Variants in PDZRN4 observed in about 807,000 individuals in gnomAD.
PDZRN4 encodes the protein PDZ domain containing ring finger 4.
Under a neutral mutation model 99.0 loss-of-function variants are expected in PDZRN4, and 70 were observed. That is an observed-to-expected ratio of 0.71 (90% CI 0.58 to 0.86). The LOEUF is 0.86. Ranked by LOEUF, PDZRN4 falls within the 40% of genes least tolerant of loss-of-function variation. The pLI, the probability that PDZRN4 is intolerant of heterozygous loss-of-function variation, is 0.00. For synonymous variants in PDZRN4, 551 were observed against 501.6 expected (o/e 1.10, Z -1.32); for missense variants, 1,474 against 1,331.2 (o/e 1.11, Z -1.67).
chr12:41,261,206 A>G (rs776910350), intron 3 of PDZRN4, among the ~76,000 whole-genome samples: 8 of 149,788 alleles, frequency 5.3e-5, no homozygotes, highest in African/African-American at 7.3e-5. Flanking sequence ...TTTTTATTAG[A>G]AAAAAAAAAC....
At chr12:41,405,261 A>G (rs1170720546) in intron 3 of PDZRN4, among the ~76,000 whole-genome samples, 2 of 152,206 alleles carry the variant, frequency 1.3e-5, no homozygotes, top group South Asian at 2.1e-4. Context: ...AAGCAAAAAA[A>G]CAACCATATT....
intron 3 of PDZRN4, among the ~76,000 whole-genome samples, chr12:41,317,093 T>C (rs996456691): frequency 2.2e-4 from 31 of 140,828 alleles, no homozygotes; most frequent in African/African-American, 7.5e-4. Context: ...GTATATTACA[T>C]AGAGAATTAT....
intron 3 of PDZRN4, among the ~76,000 whole-genome samples, chr12:41,489,403 A>G (rs1937839123): frequency 6.6e-6 from 1 of 152,034 alleles, no homozygotes; most frequent in African/African-American, 2.4e-5. Flanking sequence ...TCCCAGACTA[A>G]AGGTTCTAGC....
chr12:41,554,199 A>G (rs183196274), intron 6 of PDZRN4, among the ~76,000 whole-genome samples: 1 of 152,344 alleles, frequency 6.6e-6, no homozygotes, highest in African/African-American at 2.4e-5. Flanking sequence ...ATATGTACAG[A>G]GATAGGAAGG....
chr12:41,473,659 C>T (rs1244950464), intron 3 of PDZRN4: 1 of 152,290 alleles, frequency 6.6e-6, no homozygotes, highest in Admixed American at 6.5e-5. Flanking sequence ...GTATTTATCT[C>T]TCCAGCTGTG....
chr12:41,444,381 A>G (rs890440976), intron 3 of PDZRN4, among the ~76,000 whole-genome samples: 4 of 152,092 alleles, frequency 2.6e-5, no homozygotes, highest in African/African-American at 9.7e-5. Context: ...TTTGAGCTTA[A>G]GAGCTCCCTG....
intron 3 of PDZRN4, among the ~76,000 whole-genome samples, chr12:41,503,086 A>G (rs1157637593): frequency 6.6e-6 from 1 of 152,032 alleles, no homozygotes; most frequent in Non-Finnish European, 1.5e-5. Context: ...TGACCTTTTG[A>G]TGGGCTAACA....
chr12:41,389,150 T>G (rs891236616), intron 3 of PDZRN4, among the ~76,000 whole-genome samples: 1 of 152,174 alleles, frequency 6.6e-6, no homozygotes, highest in African/African-American at 2.4e-5. Context: ...ACTAAGAATT[T>G]TGACTCCTTT....
intron 3 of PDZRN4, among the ~76,000 whole-genome samples, chr12:41,231,832 A>G (rs1264369865): frequency 2.0e-5 from 3 of 152,186 alleles, no homozygotes; most frequent in South Asian, 4.1e-4. Context: ...TTATGGTTCC[A>G]TGAAAGCAGG....
At chr12:41,476,465 T>C (rs1177788608) in intron 3 of PDZRN4, among the ~76,000 whole-genome samples, 2 of 152,180 alleles carry the variant, frequency 1.3e-5, no homozygotes, top group Non-Finnish European at 2.9e-5. Context: ...AGGTGACCAC[T>C]CAAAACTGAA....
At chr12:41,500,693 C>A (rs1157777470) in intron 3 of PDZRN4, among the ~76,000 whole-genome samples, 1 of 151,780 alleles carries the variant, frequency 6.6e-6, no homozygotes, top group African/African-American at 2.4e-5. Context: ...GTGCTATATT[C>A]CATTAATATA....
At chr12:41,307,480 C>T (rs1053149451) in intron 3 of PDZRN4, among the ~76,000 whole-genome samples, 1 of 152,142 alleles carries the variant, frequency 6.6e-6, no homozygotes, top group African/African-American at 2.4e-5. Context: ...ACCTAATTAC[C>T]TTCCATAGGC....
At chr12:41,332,611 T>A (rs1035321251) in intron 3 of PDZRN4, among the ~76,000 whole-genome samples, 8 of 151,378 alleles carry the variant, frequency 5.3e-5, no homozygotes, top group Non-Finnish European at 1.0e-4. Context: ...CTGGCTGAAG[T>A]TTGTGTGGTA....
intron 3 of PDZRN4, among the ~76,000 whole-genome samples, chr12:41,315,389 C>T (rs1291446850): frequency 6.6e-6 from 1 of 151,734 alleles, no homozygotes; most frequent in Non-Finnish European, 1.5e-5. Context: ...AGCTTTGATC[C>T]ACACCACTGG....
intron 5 of PDZRN4, among the ~76,000 whole-genome samples, chr12:41,537,083 C>T (rs1430088260): frequency 6.6e-6 from 1 of 152,096 alleles, no homozygotes; most frequent in Non-Finnish European, 1.5e-5. Context: ...CTAGACATGT[C>T]CTGATGTAAC....
At chr12:41,279,533 C>A (rs1263294460) in intron 3 of PDZRN4, among the ~76,000 whole-genome samples, 1 of 152,084 alleles carries the variant, frequency 6.6e-6, no homozygotes, top group Non-Finnish European at 1.5e-5. Context: ...TAATTAGTTT[C>A]TATTTTGGTT....
chr12:41,248,797 T>C (rs1266008359), intron 3 of PDZRN4, among the ~76,000 whole-genome samples: 1 of 152,164 alleles, frequency 6.6e-6, no homozygotes, highest in Non-Finnish European at 1.5e-5. Context: ...AATAATTGCA[T>C]TGTAATGTAG....
intron 3 of PDZRN4, among the ~76,000 whole-genome samples, chr12:41,453,173 A>C (rs1249519757): frequency 6.6e-6 from 1 of 152,150 alleles, no homozygotes; most frequent in Non-Finnish European, 1.5e-5. Context: ...CCAGAGTAGG[A>C]AGAAGCTGCA....
At chr12:41,458,846 GCA>G (rs1952843243) in intron 3 of PDZRN4, among the ~76,000 whole-genome samples, 1 of 152,172 alleles carries the variant, frequency 6.6e-6, no homozygotes, top group African/African-American at 2.4e-5. Flanking sequence ...GGCCAGAGCA[GCA>G]CAGTTTGGTG....
Sources: gnomAD v4.1 joint callset for allele counts (sites outside exome capture counted in the v4.1 genomes callset) on GRCh38, gnomAD v4.1.1 for gene constraint, MANE v1.5 for transcripts, NCBI Gene and HGNC (gene_info 2026-07-23, HGNC 2026-07-21) for gene names.